The following IVD variants were observed in gnomAD, a reference collection of about 807,000 sequenced individuals.
IVD encodes isovaleryl-CoA dehydrogenase, mitochondrial.
A neutral mutation model predicts 51.3 loss-of-function variants in IVD; 31 were observed. The observed-to-expected ratio is 0.60, with a 90% CI of 0.45 to 0.81. The LOEUF (loss-of-function observed/expected upper bound fraction) is 0.81. IVD is among the 40% of genes least tolerant of loss of function. IVD has a pLI of 0.00. For missense variants in IVD, 475 were observed against 552.0 expected (o/e 0.86, Z 1.40); for synonymous variants, 205 against 219.4 (o/e 0.93, Z 0.58).
At chr15:40,411,391 A>G in intron 5 of IVD, 38 bp downstream of exon 5, 1 of 1,608,466 alleles carries the variant, frequency 6.2e-7, no homozygotes. Flanking sequence ...AAATGGGCAG[A>G]GGTACAGACA....
chr15:40,407,641 T>A lies in IVD; in HGVS notation c.150T>A (p.Arg50=), dbSNP rs762440985. ...GTTTACCTCTCTCCTATTAGCTTCG[T>A]CAGACCATGGCTAAGTTCCTTCAGG... The part of the protein sequence containing the change: ...NGLSEEQRQL[R]QTMAKFLQEH... The change falls in exon 2 of 12, where the codon CGT becomes CGA. Residue 50 remains arginine, a synonymous_variant. Transcript: ENST00000487418. 2.5e-5 allele frequency: 41 copies of A among 1,613,894 alleles called. No homozygotes were observed. Among genetic ancestry groups the A allele is most frequent in the Non-Finnish European group, 3.3e-5 (39 of 1,179,852 alleles).
rs1892194360 is a variant in IVD at position 40,420,426 on chromosome 15, A to G, written c.*2163A>G. On this transcript the variant is annotated 3_prime_UTR_variant, in exon 12 of 12. Coordinates refer to ENST00000487418, the MANE Select transcript of IVD (RefSeq NM_002225.5). ...TGCACAGTGGCTGCTGCCATTTTGT[A>G]TTAAATATATTGTGAAACAAACCTA... is the stretch of plus-strand genomic sequence containing the variant. The G allele has an allele frequency of 3.0e-6, 3 of 987,666 alleles. No individual in the cohort carries two copies. Among genetic ancestry groups the G allele is most frequent in the Non-Finnish European group, 3.6e-6 (3 of 830,122 alleles). 61.2% of individuals were successfully genotyped at this position (987,666 alleles called of 1,614,324 possible). A position where few individuals can be genotyped will look rare whatever the true frequency, so the allele number is the denominator to read the frequency against.
chr15:40,416,444 G>C, intron 11 of IVD, 82 bp downstream of exon 11: 1 of 1,311,078 alleles, frequency 7.6e-7, no homozygotes, highest in Non-Finnish European at 1.1e-6. Flanking sequence ...TTCAGGGCGG[G>C]CGTGGTGGCT....
At position 40,410,666 on chromosome 15, in the gene IVD, G is replaced by A; in HGVS notation, c.325G>A (p.Val109Met). ...CTCCGGCCTGGGCTACCTGGAGCAT[G>A]TGCTGGTGATGGAGGAGATATCCCG... is the stretch of plus-strand genomic sequence containing the variant. ...GGSGLGYLEHVLVMEEISRAS... is the reference protein window; with the variant it reads ...GGSGLGYLEHMLVMEEISRAS... Residue 109 changes from valine (V) to methionine (M), a missense_variant, in exon 4 of 12, where the codon GTG becomes ATG. Physicochemically the swap from Val to Met is conservative, Grantham distance 21. Transcript: ENST00000487418. The A allele has an allele frequency of 6.2e-7, 1 of 1,614,256 alleles. No homozygotes were observed. The highest frequency in any genetic ancestry group is 8.5e-7 in the Non-Finnish European group (1 of 1,180,050).
At chr15:40,425,008 C>T (rs1892584305), downstream of IVD, among the ~76,000 whole-genome samples, 1 of 152,152 alleles carries the variant, frequency 6.6e-6, no homozygotes, top group African/African-American at 2.4e-5. Context: ...AGAGCCCAGC[C>T]GCAGAAGGGA....
downstream of IVD, among the ~76,000 whole-genome samples, chr15:40,425,799 T>C (rs571293720): frequency 6.6e-6 from 1 of 150,744 alleles, no homozygotes; most frequent in South Asian, 2.1e-4. Flanking sequence ...GCCTCCATGC[T>C]CAGCTCTTTT....
downstream of IVD, among the ~76,000 whole-genome samples, chr15:40,424,657 A>G (rs373220707): frequency 5.8e-4 from 89 of 152,390 alleles, no homozygotes; most frequent in South Asian, 0.017. Context: ...ATCACCATCC[A>G]GCACAGTTCC....
intron 7 of IVD, among the ~76,000 whole-genome samples, chr15:40,431,417 C>T (rs1261377705): frequency 5.3e-5 from 8 of 151,880 alleles, no homozygotes; most frequent in South Asian, 2.1e-4. Context: ...ATGTGTAGGC[C>T]GGGCGCAGTG....
downstream of IVD, among the ~76,000 whole-genome samples, chr15:40,428,377 C>T (rs56864155): frequency 2.0e-5 from 3 of 152,078 alleles, no homozygotes; most frequent in Non-Finnish European, 1.5e-5. Flanking sequence ...CCCAGCCCCT[C>T]TCTCCCAGGT....
Position 40,416,072 on chromosome 15 carries a change from G to T in IVD, c.961-6G>T. The stretch of plus-strand genomic sequence containing the variant: ...ATGTTGACCTGTGACATCCCTTTGT[G>T]CCCAGTTGATGCAGGGGAAGATGGC... On this transcript the variant is annotated splice_polypyrimidine_tract_variant and splice_region_variant and intron_variant, in intron 9 of 11. Transcript: ENST00000487418. 6.2e-7 allele frequency: 1 copy of T among 1,613,948 alleles called. No homozygotes were observed. Among genetic ancestry groups the T allele is most frequent in the East Asian group, 2.2e-5 (1 of 44,886 alleles).
downstream of IVD, chr15:40,435,832 C>G (rs1356689341): frequency 1.9e-6 from 1 of 536,412 alleles, no homozygotes; most frequent in African/African-American, 2.1e-5. Flanking sequence ...TCGGCTTAGC[C>G]CCTTCTTGGA....
chr15:40,411,736 C>T (rs1405603162), intron 6 of IVD, 45 bp downstream of exon 6: 2 of 1,604,226 alleles, frequency 1.2e-6, no homozygotes, highest in Non-Finnish European at 1.7e-6. Context: ...TGCCTCCTGA[C>T]AGTGGTACCA....
At chr15:40,416,882 G>A (rs1891749071) in intron 11 of IVD, among the ~76,000 whole-genome samples, 1 of 152,088 alleles carries the variant, frequency 6.6e-6, no homozygotes, top group Admixed American at 6.6e-5. Context: ...CATCCTCCCC[G>A]CCTCATAGAT....
At chr15:40,424,081 T>A, downstream of IVD, 1 of 1,150,904 alleles carries the variant, frequency 8.7e-7, no homozygotes, top group South Asian at 1.3e-5. Flanking sequence ...GCCTGGTATC[T>A]CTTAAATACT....
At chr15:40,413,588 A>G (rs991902581) in intron 7 of IVD, among the ~76,000 whole-genome samples, 4 of 152,058 alleles carry the variant, frequency 2.6e-5, no homozygotes, top group Non-Finnish European at 5.9e-5. Context: ...GAAATCTGAC[A>G]TGGTGGAGCA....
At chr15:40,430,793 G>GT (rs1566952139) in intron 7 of IVD, among the ~76,000 whole-genome samples, 1 of 152,234 alleles carries the variant, frequency 6.6e-6, no homozygotes, top group East Asian at 1.9e-4. Flanking sequence ...TGGCTGAAGT[G>GT]TATCTGATGT....
Position 40,420,611 on chromosome 15 carries a change from T to C in IVD, c.*2348T>C. The C allele has an allele frequency of 1.0e-6, 1 of 987,568 alleles. No homozygotes were observed. The highest frequency in any genetic ancestry group is 1.2e-6 in the Non-Finnish European group (1 of 830,096). 61.2% of individuals were successfully genotyped at this position (987,568 alleles called of 1,614,324 possible). On this transcript the variant is annotated 3_prime_UTR_variant, in exon 12 of 12. Transcript: ENST00000487418. ...CTTAGGAGAGAGGTCTCAGCCTCCC[T>C]TTCCCAGATCTCCCAGTGAGTTTTA... is the stretch of plus-strand genomic sequence containing the variant.
In IVD at chr15:40,415,071, G is replaced by T. The variant is rs576608643; in HGVS notation, c.878+89G>T. ...GAGCAGCAGCAGCCTTCCCCTTGCGGGGCCAAAGGGAGCTGCCTCTTGGCC... is the reference window on the plus strand; with the variant it reads ...GAGCAGCAGCAGCCTTCCCCTTGCGTGGCCAAAGGGAGCTGCCTCTTGGCC... On this transcript the variant is annotated intron_variant, in intron 8 of 11. Transcript: ENST00000487418. The T allele has an allele frequency of 1.7e-4, 248 of 1,477,382 alleles. 2 individuals carry two copies. The Middle Eastern group carries it at 2.9e-3, about 17-fold the overall frequency. The allele number at this position is 1,477,382 out of a possible 1,614,324, so 91.5% of individuals were successfully genotyped here.
intron 7 of IVD, among the ~76,000 whole-genome samples, chr15:40,432,880 G>A (rs1473494697): frequency 1.3e-5 from 2 of 152,220 alleles, no homozygotes; most frequent in Non-Finnish European, 2.9e-5. Flanking sequence ...TACATTGTCA[G>A]AGCTCCAGAT....
Sources: gnomAD v4.1 joint callset for allele counts (sites outside exome capture counted in the v4.1 genomes callset) on GRCh38, gnomAD v4.1.1 for gene constraint, MANE v1.5 for transcripts, NCBI Gene and HGNC (gene_info 2026-07-23, HGNC 2026-07-21) for gene names.